EFCAB9: variants seen among roughly 807,000 people sequenced by gnomAD.
EFCAB9 encodes EF-hand calcium binding domain 9.
In EFCAB9, 16 loss-of-function variants were observed where a neutral mutation model predicts 15.6. The ratio of observed to expected loss-of-function variants is 1.03; its 90% CI spans 0.69 to 1.56. The LOEUF (loss-of-function observed/expected upper bound fraction) is 1.56. EFCAB9 is among the 40% of genes most tolerant of loss of function. EFCAB9 has a pLI of 0.00. For missense variants in EFCAB9, 208 were observed against 235.4 expected (o/e 0.88, Z 0.76); for synonymous variants, 76 against 85.4 (o/e 0.89, Z 0.61).
At position 172,203,339 on chromosome 5, in the gene EFCAB9, C is replaced by G; in HGVS notation, c.588C>G (p.Ile196Met). 2 of 1,530,282 alleles carry G rather than the reference C, an allele frequency of 1.3e-6. No individual in the cohort carries two copies. The highest frequency in any genetic ancestry group is 1.7e-6 in the Non-Finnish European group (2 of 1,145,180). 94.8% of individuals were successfully genotyped at this position (1,530,282 alleles called of 1,614,324 possible). A position where few individuals can be genotyped will look rare whatever the true frequency, so the allele number is the denominator to read the frequency against. The change falls in exon 4 of 4, where the codon ATC becomes ATG. Residue 196 changes from isoleucine to methionine, a missense_variant. By Grantham distance (10) the Ile-to-Met change is conservative (BLOSUM62 1). Transcript: ENST00000398186. ...GAAGTCTCTACTCAAAATGTCACATCAAGTAGATACAAGCTGAAAGAGTCT... is the reference window on the plus strand; with the variant it reads ...GAAGTCTCTACTCAAAATGTCACATGAAGTAGATACAAGCTGAAAGAGTCT... Reference protein sequence around the residue: ...RKRSLYSKCHIK With the variant: ...RKRSLYSKCHMK
At chr5:172,198,327 A>G (rs1771196734) in intron 1 of EFCAB9, among the ~76,000 whole-genome samples, 1 of 151,936 alleles carries the variant, frequency 6.6e-6, no homozygotes, top group African/African-American at 2.4e-5. Context: ...TGGGCAACAT[A>G]AGGAGACCCC....
chr5:172,199,150 C>A (rs1046732149), intron 1 of EFCAB9, among the ~76,000 whole-genome samples: 1 of 152,066 alleles, frequency 6.6e-6, no homozygotes, highest in African/African-American at 2.4e-5. Flanking sequence ...CAAGCCCTGT[C>A]CACGATCTCA....
rs1376539202 is a variant in EFCAB9, at chr5:172,194,532, T to C, written c.136+224T>C. On this transcript the variant is annotated intron_variant, in intron 1 of 3. Transcript: ENST00000398186. ...CTCCTGCCTCAGCCTCCTGAGTAGC[T>C]GGGATTACAGGTGTCTGCCACCACG... is the stretch of plus-strand genomic sequence containing the variant. Among the ~76,000 whole-genome samples, 5 of 152,270 alleles carry C rather than the reference T, an allele frequency of 3.3e-5. No individual in the cohort carries two copies. In the East Asian group the frequency reaches 9.7e-4, roughly 29 times the overall value.
chr5:172,200,522 A>G (rs1393918593), intron 2 of EFCAB9, 44 bp from the exon 3 acceptor site: 2 of 1,501,324 alleles, frequency 1.3e-6, no homozygotes, highest in Non-Finnish European at 8.9e-7. Flanking sequence ...AGAAAGCAGC[A>G]TCGACAACAC....
chr5:172,199,932 C>CTTTTTTTTTT (rs34086491), intron 2 of EFCAB9, among the ~76,000 whole-genome samples: 2 of 102,334 alleles, frequency 2.0e-5, no homozygotes, highest in Admixed American at 1.1e-4. Context: ...ACCCAGTTTC[C>CTTTTTTTTTT]TTTTTTTTTT....
chr5:172,200,939 C>T (rs550756434), intron 3 of EFCAB9, among the ~76,000 whole-genome samples, 197 bp downstream of exon 3: 1 of 152,254 alleles, frequency 6.6e-6, no homozygotes, highest in Admixed American at 6.5e-5. Context: ...GGTGGACTAA[C>T]TGCTGTATCA....
chr5:172,194,437 T>C (rs900546556), intron 1 of EFCAB9, 129 bp downstream of exon 1: 1 of 1,208,584 alleles, frequency 8.3e-7, no homozygotes, highest in Non-Finnish European at 1.1e-6. Flanking sequence ...TCTCGCTCTA[T>C]TGCCCAGGCT....
chr5:172,197,363 T>C (rs1266797790), intron 1 of EFCAB9, among the ~76,000 whole-genome samples: 1 of 152,100 alleles, frequency 6.6e-6, no homozygotes. Flanking sequence ...TGCCTCAGCC[T>C]CCCAAAGTGC....
rs371496854 is a variant in EFCAB9, at chr5:172,200,648, G to A, written c.368G>A (p.Gly123Asp). 4.6e-6 allele frequency: 7 copies of A among 1,537,200 alleles called. No individual in the cohort carries two copies. The highest frequency in any genetic ancestry group is 6.1e-6 in the Non-Finnish European group (7 of 1,146,900). ...LLDLKGDLRI[G>D]AKNFEMYRFL... The stretch of plus-strand genomic sequence containing the variant: ...GACCTGAAAGGGGATCTGAGAATTG[G>A]TGCAAAAAACTTCGAAATGTACAGA... The change falls in exon 3 of 4, where the codon GGT (glycine) becomes GAT (aspartate). Residue 123 changes from glycine (G) to aspartate (D), a missense_variant. Transcript: ENST00000398186.
At chr5:172,197,280 T>C (rs1463972949) in intron 1 of EFCAB9, among the ~76,000 whole-genome samples, 1 of 152,136 alleles carries the variant, frequency 6.6e-6, no homozygotes, top group African/African-American at 2.4e-5. Context: ...GCTAATTTTG[T>C]ATTTTTAGTA....
chr5:172,202,984 G>A (rs1168230106), intron 3 of EFCAB9, among the ~76,000 whole-genome samples: 2 of 152,204 alleles, frequency 1.3e-5, no homozygotes, highest in East Asian at 3.8e-4. Flanking sequence ...GGGCGACAGA[G>A]AGAGACTCCG....
At chr5:172,198,388 G>A (rs1397881318) in intron 1 of EFCAB9, among the ~76,000 whole-genome samples, 1 of 152,032 alleles carries the variant, frequency 6.6e-6, no homozygotes, top group Non-Finnish European at 1.5e-5. Context: ...ATGCACCTGT[G>A]GTCCCAGCTA....
intron 3 of EFCAB9, among the ~76,000 whole-genome samples, chr5:172,202,740 G>A (rs1014805563): frequency 1.3e-5 from 2 of 150,844 alleles, no homozygotes; most frequent in African/African-American, 4.9e-5. Flanking sequence ...AGTGTCTCAC[G>A]CCTGTAATCC....
chr5:172,202,016 A>T (rs1244572259), intron 3 of EFCAB9, among the ~76,000 whole-genome samples: 1 of 152,154 alleles, frequency 6.6e-6, no homozygotes, highest in Non-Finnish European at 1.5e-5. Context: ...TGATCGGTGA[A>T]AAAAGTAATT....
Position 172,203,214 on chromosome 5 carries a change from C to T in EFCAB9, c.463C>T (p.Arg155Cys), listed in dbSNP as rs1423803543. The T allele has an allele frequency of 3.3e-6, 5 of 1,505,782 alleles. No individual in the cohort carries two copies. Among genetic ancestry groups the T allele is most frequent in the African/African-American group, 2.8e-5 (2 of 71,166 alleles). The allele number at this position is 1,505,782 out of a possible 1,614,324, so 93.3% of individuals were successfully genotyped here. A position where few individuals can be genotyped will look rare whatever the true frequency, so the allele number is the denominator to read the frequency against. Residue 155 changes from arginine (R) to cysteine (C), a missense_variant and splice_region_variant, in exon 4 of 4, where the codon CGT becomes TGT. Transcript: ENST00000398186. The part of the protein sequence containing the change: ...FRDFDITGDN[R>C]LNYQEFKLYT... The stretch of plus-strand genomic sequence containing the variant: ...TCTTTCCCCCCCACCCTAACCAAAG[C>T]GTCTTAATTATCAGGAATTTAAGCT...
At chr5:172,202,211 G>A (rs558025302) in intron 3 of EFCAB9, among the ~76,000 whole-genome samples, 2 of 151,736 alleles carry the variant, frequency 1.3e-5, no homozygotes, top group African/African-American at 2.4e-5. Flanking sequence ...CATGGTGGCA[G>A]GTGCCTGTGG....
intron 3 of EFCAB9, among the ~76,000 whole-genome samples, chr5:172,201,898 A>G (rs1288873404): frequency 2.0e-5 from 3 of 152,228 alleles, no homozygotes; most frequent in Non-Finnish European, 4.4e-5. Flanking sequence ...GCCTATTTAA[A>G]GAGGAAATCC....
chr5:172,202,955 C>T (rs187800500), intron 3 of EFCAB9, among the ~76,000 whole-genome samples: 2,094 of 152,232 alleles, frequency 0.014, 26 homozygotes, highest in South Asian at 0.024. Flanking sequence ...GCCGAGATAG[C>T]GCCACTGCAC....
intron 3 of EFCAB9, among the ~76,000 whole-genome samples, chr5:172,202,568 C>T (rs1244352088): frequency 6.6e-6 from 1 of 151,776 alleles, no homozygotes; most frequent in African/African-American, 2.4e-5. Context: ...ATTAGCCAGG[C>T]GTGGTGGCAC....
Sources: allele counts gnomAD v4.1 joint callset (sites outside exome capture counted in the v4.1 genomes callset), GRCh38; gene constraint gnomAD v4.1.1; transcripts MANE v1.5; gene names NCBI Gene and HGNC (gene_info 2026-07-23, HGNC 2026-07-21).